The following CHN2 variants were observed in gnomAD, a reference collection of about 807,000 sequenced individuals.
CHN2 encodes beta-chimaerin.
Under a neutral mutation model 56.3 loss-of-function variants are expected in CHN2, and 35 were observed. The observed-to-expected ratio is 0.62, with a 90% confidence interval of 0.47 to 0.82. CHN2 has a LOEUF of 0.82. Among genes scored for constraint, CHN2 ranks in the 40% least tolerant of loss-of-function variants. The pLI is 0.00. For synonymous variants in CHN2, 210 were observed against 212.8 expected, an observed-to-expected ratio of 0.99 and a Z score of 0.12; for missense variants, 491 against 580.5, an observed-to-expected ratio of 0.85 and a Z score of 1.58.
At chr7:29,161,760 G>A (rs188889972) in intron 2 of CHN2, among the ~76,000 whole-genome samples, 46 of 152,248 alleles carry the variant, frequency 3.0e-4, no homozygotes, top group African/African-American at 9.4e-4. Flanking sequence ...CCAACTGGAA[G>A]AAAATATTTG....
chr7:29,507,413 A>G, intron 11 of CHN2, 48 bp downstream of exon 11: 2 of 1,406,300 alleles, frequency 1.4e-6, no homozygotes, highest in Non-Finnish European at 2.0e-6. Flanking sequence ...TTTTAAGTAC[A>G]GTGCTTTTGA....
At chr7:29,331,172 G>A (rs1376917960) in intron 1 of CHN2, among the ~76,000 whole-genome samples, 2 of 152,190 alleles carry the variant, frequency 1.3e-5, no homozygotes, top group Non-Finnish European at 1.5e-5. Flanking sequence ...TGGTCTAGGG[G>A]GTGACGGAGG....
chr7:29,217,879 C>G (rs2128788260), intron 1 of CHN2, among the ~76,000 whole-genome samples: 1 of 152,234 alleles, frequency 6.6e-6, no homozygotes, highest in East Asian at 1.9e-4. Context: ...ACATGTATGT[C>G]TCTTCCTGGA....
intron 6 of CHN2, among the ~76,000 whole-genome samples, chr7:29,471,898 C>A (rs1016341075): frequency 6.6e-6 from 1 of 152,084 alleles, no homozygotes; most frequent in East Asian, 1.9e-4. Flanking sequence ...ATTTCTTTGG[C>A]GCCATGGCAA....
chr7:29,320,784 C>T (rs1338186891), intron 1 of CHN2, among the ~76,000 whole-genome samples: 2 of 152,144 alleles, frequency 1.3e-5, no homozygotes, highest in African/African-American at 4.8e-5. Context: ...CTTTTTCTGT[C>T]AGGTGGTGGC....
intron 1 of CHN2, among the ~76,000 whole-genome samples, chr7:29,281,534 T>C (rs1179548976): frequency 1.3e-5 from 2 of 152,234 alleles, no homozygotes; most frequent in Non-Finnish European, 2.9e-5. Context: ...ATTTTGATGC[T>C]TGTTGCCAAA....
At chr7:29,456,114 G>C (rs1050120949) in intron 6 of CHN2, among the ~76,000 whole-genome samples, 2 of 152,194 alleles carry the variant, frequency 1.3e-5, no homozygotes, top group African/African-American at 4.8e-5. Flanking sequence ...TTCTCAGTCT[G>C]ACAAATGCTT....
intron 1 of CHN2, among the ~76,000 whole-genome samples, chr7:29,239,973 C>A (rs1428246317): frequency 6.6e-6 from 1 of 152,114 alleles, no homozygotes; most frequent in Non-Finnish European, 1.5e-5. Context: ...TAGACATTGG[C>A]AACTAACTCA....
At chr7:29,264,689 C>T (rs1024243170) in intron 1 of CHN2, among the ~76,000 whole-genome samples, 8 of 152,086 alleles carry the variant, frequency 5.3e-5, no homozygotes, top group Non-Finnish European at 1.2e-4. Flanking sequence ...GGCGGCAGGG[C>T]CCTCTGCCTG....
At chr7:29,440,270 T>C (rs1449512338) in intron 6 of CHN2, among the ~76,000 whole-genome samples, 1 of 152,206 alleles carries the variant, frequency 6.6e-6, no homozygotes, top group Non-Finnish European at 1.5e-5. Flanking sequence ...ATTTATAGGA[T>C]ACAAAATGTT....
chr7:29,332,073 G>C (rs1246110831), intron 1 of CHN2, among the ~76,000 whole-genome samples: 2 of 151,244 alleles, frequency 1.3e-5, no homozygotes, highest in Non-Finnish European at 2.9e-5. Context: ...TGTGTGATCT[G>C]AAAGAAAAAA....
intron 8 of CHN2, among the ~76,000 whole-genome samples, chr7:29,499,601 TC>T (rs1353700518): frequency 6.6e-6 from 1 of 151,672 alleles, no homozygotes; most frequent in African/African-American, 2.4e-5. Context: ...AAAAACCTGA[TC>T]AATTACCTAA....
chr7:29,197,393 C>G (rs1050933561), intron 1 of CHN2, among the ~76,000 whole-genome samples: 1 of 152,184 alleles, frequency 6.6e-6, no homozygotes, highest in Admixed American at 6.5e-5. Context: ...CTTAACTTCT[C>G]CAAGCCTCAA....
At chr7:29,462,097 T>C (rs919726633) in intron 6 of CHN2, among the ~76,000 whole-genome samples, 1 of 152,234 alleles carries the variant, frequency 6.6e-6, no homozygotes. Flanking sequence ...ATTTTGTTTG[T>C]GCAGGAAGCC....
intron 3 of CHN2, among the ~76,000 whole-genome samples, chr7:29,378,375 T>C (rs1800231841): frequency 6.6e-6 from 1 of 152,244 alleles, no homozygotes; most frequent in African/African-American, 2.4e-5. Context: ...GCTCTGTGTT[T>C]TGAGCTAAGA....
upstream of CHN2, among the ~76,000 whole-genome samples, chr7:29,190,230 G>T (rs4722891): frequency 0.08 from 12,195 of 152,326 alleles, 625 homozygotes; most frequent in Non-Finnish European, 0.11. Flanking sequence ...TTGAGAAATT[G>T]ATGGCAAAAG....
chr7:29,447,405 A>T, intron 6 of CHN2, among the ~76,000 whole-genome samples: 1 of 152,224 alleles, frequency 6.6e-6, no homozygotes, highest in East Asian at 1.9e-4. Context: ...ACTATCCAGG[A>T]ATTTTTTTAA....
rs1018527201 is a variant in CHN2, at chr7:29,196,347, GT to G, written c.49+1358del. On this transcript the variant is annotated intron_variant, in intron 1 of 12. Transcript: ENST00000222792. ...TTGAAAACACGTTGTTGTTAGGTGT[GT>G]GATATAGTTCAAGTTTCTAGTAGTG... Among the ~76,000 whole-genome samples, 9 of 152,344 alleles carry G rather than the reference GT, an allele frequency of 5.9e-5. No individual in the cohort carries two copies. The South Asian group carries it at 1.2e-3, about 21-fold the overall frequency.
intron 1 of CHN2, among the ~76,000 whole-genome samples, chr7:29,327,176 G>A (rs559806593): frequency 6.6e-5 from 10 of 152,318 alleles, no homozygotes; most frequent in African/African-American, 2.4e-4. Flanking sequence ...ATCCTGAGGT[G>A]TATGATAAAG....
Sources: allele counts gnomAD v4.1 joint callset (sites outside exome capture counted in the v4.1 genomes callset), GRCh38; gene constraint gnomAD v4.1.1; transcripts MANE v1.5; gene names NCBI Gene and HGNC (gene_info 2026-07-23, HGNC 2026-07-21).